The following NUFIP2 variants were observed in gnomAD, a reference collection of about 807,000 sequenced individuals.
The protein encoded by NUFIP2 is nuclear FMR1 interacting protein 2, also known as FMR1-interacting protein NUFIP2.
In NUFIP2, 6 loss-of-function variants were observed where a neutral mutation model predicts 56.9. That is an observed-to-expected ratio of 0.11 (90% CI 0.06 to 0.21). The LOEUF is 0.21. Ranked by LOEUF, NUFIP2 falls within the 10% of genes least tolerant of loss-of-function variation. The pLI, the probability that NUFIP2 is intolerant of heterozygous loss-of-function variation, is 1.00. For missense variants in NUFIP2, 828 were observed against 826.8 expected, an observed-to-expected ratio of 1.00 and a Z score of -0.02; for synonymous variants, 321 against 298.2, an observed-to-expected ratio of 1.08 and a Z score of -0.79.
At chr17:29,282,399 T>C (rs1031952078) in intron 2 of NUFIP2, among the ~76,000 whole-genome samples, 44 of 151,692 alleles carry the variant, frequency 2.9e-4, no homozygotes, top group African/African-American at 9.7e-4. Flanking sequence ...AAATACAAAA[T>C]TAGCCAGGCA....
At chr17:29,280,008 G>C (rs1275817396) in intron 2 of NUFIP2, among the ~76,000 whole-genome samples, 1 of 151,968 alleles carries the variant, frequency 6.6e-6, no homozygotes, top group Non-Finnish European at 1.5e-5. Context: ...CATAGAGATG[G>C]GGTTTCGTCA....
At chr17:29,265,257 C>T (rs2069027776) in intron 3 of NUFIP2, among the ~76,000 whole-genome samples, 1 of 151,658 alleles carries the variant, frequency 6.6e-6, no homozygotes, top group African/African-American at 2.4e-5. Flanking sequence ...GCATGCTCCC[C>T]TCTTCTGGAG....
intron 2 of NUFIP2, among the ~76,000 whole-genome samples, chr17:29,277,722 A>C (rs2069115932): frequency 1.3e-5 from 2 of 152,096 alleles, no homozygotes; most frequent in Non-Finnish European, 2.9e-5. Context: ...GAAATATAGC[A>C]TGTTTTCCGG....
Position 29,286,229 on chromosome 17 carries a change from C to T in NUFIP2, c.1765G>A (p.Gly589Arg). The T allele has an allele frequency of 6.2e-7, 1 of 1,614,152 alleles. No individual in the cohort carries two copies. Among genetic ancestry groups the T allele is most frequent in the Non-Finnish European group, 8.5e-7 (1 of 1,180,012 alleles). ...TGACTGGGTTCCAAGGATAAGGCTC[C>T]ACTCTCACTAGTAGTCCCAGATTTT... The part of the protein sequence containing the change: ...ILKSGTTSES[G>R]ALSLEPSHIG... Residue 589 changes from glycine to arginine, a missense_variant, in exon 2 of 4, where the codon GGA becomes AGA. Physicochemically the swap from Gly to Arg is moderately radical, Grantham distance 125. Around this residue, in one of 3 missense-constraint regions of NUFIP2, gnomAD observed 404 missense variants for 380.3 expected, o/e 1.06. Coordinates refer to ENST00000225388, the MANE Select transcript of NUFIP2 (RefSeq NM_020772.3).
intron 3 of NUFIP2, among the ~76,000 whole-genome samples, chr17:29,264,941 A>C (rs553704056): frequency 6.6e-6 from 1 of 152,342 alleles, no homozygotes; most frequent in South Asian, 2.1e-4. Flanking sequence ...TGTCACCAAT[A>C]ATCCAATATT....
intron 2 of NUFIP2, among the ~76,000 whole-genome samples, chr17:29,281,911 C>T (rs1232980752): frequency 6.6e-6 from 1 of 151,710 alleles, no homozygotes; most frequent in Non-Finnish European, 1.5e-5. Flanking sequence ...ACTACAGGTG[C>T]CTGCTACCAC....
In NUFIP2 at chr17:29,287,023, G is replaced by C; in HGVS notation, c.971C>G (p.Ala324Gly). 6.2e-7 allele frequency: 1 copy of C among 1,614,188 alleles called. No individual in the cohort carries two copies. The highest frequency in any genetic ancestry group is 1.3e-5 in the African/African-American group (1 of 75,040). ...GTCCTCTTTGGAGGCAACAGCTGAA[G>C]CATGCTTTCCTTTGGGCCGATCATC... Reference protein sequence around the residue: ...KFDDRPKGKHASAVASKEDSW... With the variant: ...KFDDRPKGKHGSAVASKEDSW... The change falls in exon 2 of 4, where the codon GCT (alanine) becomes GGT (glycine). Residue 324 changes from alanine (A) to glycine (G), a missense_variant. Around this residue, in one of 3 missense-constraint regions of NUFIP2, gnomAD observed 415 missense variants for 408.7 expected, o/e 1.02. Coordinates refer to ENST00000225388, the MANE Select transcript of NUFIP2 (RefSeq NM_020772.3).
intron 2 of NUFIP2, among the ~76,000 whole-genome samples, chr17:29,284,083 C>T (rs575101606): frequency 1.3e-5 from 2 of 152,284 alleles, no homozygotes; most frequent in African/African-American, 4.8e-5. Flanking sequence ...AGTATTTCTT[C>T]CAGAGAGAAT....
At chr17:29,285,118 C>CG (rs2069164329) in intron 2 of NUFIP2, among the ~76,000 whole-genome samples, 1 of 151,812 alleles carries the variant, frequency 6.6e-6, no homozygotes, top group African/African-American at 2.4e-5. Context: ...CTGGCCAACA[C>CG]GGGGAAACCC....
intron 3 of NUFIP2, among the ~76,000 whole-genome samples, chr17:29,265,464 G>C (rs1272082580): frequency 1.4e-5 from 2 of 146,624 alleles, no homozygotes; most frequent in African/African-American, 4.9e-5. Context: ...TACCACGCCC[G>C]GCTAATTTTT....
At chr17:29,282,935 T>C (rs983058050) in intron 2 of NUFIP2, among the ~76,000 whole-genome samples, 1 of 152,172 alleles carries the variant, frequency 6.6e-6, no homozygotes, top group Admixed American at 6.5e-5. Context: ...GAGTGGCCAA[T>C]GGACTGCTAA....
intron 2 of NUFIP2, among the ~76,000 whole-genome samples, chr17:29,268,150 C>T (rs988697535): frequency 1.4e-4 from 22 of 152,194 alleles, no homozygotes; most frequent in East Asian, 5.8e-4. Flanking sequence ...CCGCCCACCT[C>T]GGCCTCCTAA....
In NUFIP2 at chr17:29,258,043, A is replaced by C. The variant is rs1190376325; in HGVS notation, c.*6496T>G. Reference sequence around the variant, plus strand: ...GGTGGTAAGAACCATCGACTATCTCAGGCATTACTACATGGCGTTTCCAAT... The same window carrying C: ...GGTGGTAAGAACCATCGACTATCTCCGGCATTACTACATGGCGTTTCCAAT... On this transcript the variant is annotated 3_prime_UTR_variant, in exon 4 of 4. Transcript: ENST00000225388. The C allele has an allele frequency of 6.6e-6, 1 of 152,214 alleles. No individual in the cohort carries two copies. Among genetic ancestry groups the C allele is most frequent in the Non-Finnish European group, 1.5e-5 (1 of 68,026 alleles). The allele number at this position is 152,214 out of a possible 1,614,324, so 9.4% of individuals were successfully genotyped here. A position where few individuals can be genotyped will look rare whatever the true frequency, so the allele number is the denominator to read the frequency against.
rs1051681327 is a variant in NUFIP2 at position 29,256,138 on chromosome 17, G to T, written c.*8401C>A. On this transcript the variant is annotated 3_prime_UTR_variant, in exon 4 of 4. Coordinates refer to ENST00000225388, the MANE Select transcript of NUFIP2 (RefSeq NM_020772.3). ...ATATGTAGAAAAGACCTATATTTTT[G>T]ACTGGGCAAAACAAACATTGAAACT... is the stretch of plus-strand genomic sequence containing the variant. 6.6e-6 allele frequency: 1 copy of T among 152,152 alleles called. No homozygotes were observed. The highest frequency in any genetic ancestry group is 1.5e-5 in the Non-Finnish European group (1 of 68,016). The allele number at this position is 152,152 out of a possible 1,614,324, so 9.4% of individuals were successfully genotyped here. A position where few individuals can be genotyped will look rare whatever the true frequency, so the allele number is the denominator to read the frequency against.
In NUFIP2 at chr17:29,277,148, C is replaced by T. The variant is rs2069112883; in HGVS notation, c.2002+8844G>A. ...CAACAGATTCTCCTGCCTAAGCCTC[C>T]GGAGTAGCTGGGACTACAGGCACGT... On this transcript the variant is annotated intron_variant, in intron 2 of 3. Coordinates refer to ENST00000225388, the MANE Select transcript of NUFIP2 (RefSeq NM_020772.3). Among the ~76,000 whole-genome samples, 3 of 152,092 alleles carry T rather than the reference C, an allele frequency of 2.0e-5. No individual in the cohort carries two copies. In the South Asian group the frequency reaches 6.2e-4, roughly 32 times the overall value.
intron 2 of NUFIP2, among the ~76,000 whole-genome samples, chr17:29,275,034 GT>G (rs558547531): frequency 6.9e-6 from 1 of 145,456 alleles, no homozygotes; most frequent in Non-Finnish European, 1.5e-5. Context: ...TTTTTTTTTT[GT>G]TTTTTTGAGA....
Position 29,287,597 on chromosome 17 carries a change from T to G in NUFIP2, c.397A>C (p.Thr133Pro). The G allele has an allele frequency of 6.2e-7, 1 of 1,614,184 alleles. No individual in the cohort carries two copies. Among genetic ancestry groups the G allele is most frequent in the Non-Finnish European group, 8.5e-7 (1 of 1,180,040 alleles). Residue 133 changes from threonine to proline, a missense_variant, in exon 2 of 4, where the codon ACT becomes CCT. Thr to Pro is a conservative substitution (Grantham distance 38). Coordinates refer to ENST00000225388, the MANE Select transcript of NUFIP2 (RefSeq NM_020772.3). Reference protein sequence around the residue: ...VLNGNQQVVDTSLKQTVKANT... With the variant: ...VLNGNQQVVDPSLKQTVKANT... The stretch of plus-strand genomic sequence containing the variant: ...GCCTTTACAGTCTGCTTCAGGCTAG[T>G]GTCTACAACTTGCTGGTTGCCATTG...
Position 29,261,249 on chromosome 17 carries a change from A to G in NUFIP2, c.*3290T>C, listed in dbSNP as rs1470129497. The G allele has an allele frequency of 6.6e-6, 1 of 152,138 alleles. No individual in the cohort carries two copies. Among genetic ancestry groups the G allele is most frequent in the Non-Finnish European group, 1.5e-5 (1 of 67,992 alleles). 9.4% of individuals were successfully genotyped at this position (152,138 alleles called of 1,614,324 possible). ...ATTCTTAGTGCCATTTTTCAATACT[A>G]CCCTTTTAAGGATTTAAACCACCTG... is the stretch of plus-strand genomic sequence containing the variant. On this transcript the variant is annotated 3_prime_UTR_variant, in exon 4 of 4. Transcript: ENST00000225388.
Position 29,286,497 on chromosome 17 carries a change from C to G in NUFIP2, c.1497G>C (p.Leu499=), listed in dbSNP as rs749271699. 32 of 1,614,072 alleles carry G rather than the reference C, an allele frequency of 2.0e-5. No homozygotes were observed. Among genetic ancestry groups the G allele is most frequent in the Non-Finnish European group, 2.5e-5 (30 of 1,180,050 alleles). ...DLPSQTDQQN[L]GDIFQNQWGL... is the part of the protein sequence containing the mutation. ...CCCACTGATTCTGGAAGATATCCCC[C>G]AGGTTTTGCTGATCTGTCTGAGAGG... Residue 499 remains leucine, a synonymous_variant, in exon 2 of 4, where the codon CTG becomes CTC. Transcript: ENST00000225388.
Sources: allele counts gnomAD v4.1 joint callset (sites outside exome capture counted in the v4.1 genomes callset), GRCh38; gene constraint gnomAD v4.1.1; regional missense constraint gnomAD v4.1.1; transcripts MANE v1.5; gene names NCBI Gene and HGNC (gene_info 2026-07-23, HGNC 2026-07-21).